Variants in PTBP3 observed in about 807,000 individuals in gnomAD.
The protein encoded by PTBP3 is polypyrimidine tract-binding protein 3.
Under a neutral mutation model 58.7 loss-of-function variants are expected in PTBP3, and 20 were observed. That is an observed-to-expected ratio of 0.34 (90% confidence interval 0.24 to 0.50). The LOEUF is 0.50. Ranked by LOEUF, PTBP3 falls within the 20% of genes least tolerant of loss-of-function variation. The probability of loss-of-function intolerance (pLI) is 0.98; values close to 1 mark genes in which losing one functional copy is unlikely to be tolerated. For synonymous variants in PTBP3, 185 were observed against 219.8 expected (o/e 0.84, Z 1.40); for missense variants, 509 against 637.2 (o/e 0.80, Z 2.17).
the PTBP3 span, among the ~76,000 whole-genome samples, chr9:112,370,593 C>A: frequency 6.6e-6 from 1 of 151,984 alleles, no homozygotes; most frequent in Non-Finnish European, 1.5e-5. Flanking sequence ...TGTTCTTTTT[C>A]AAATTGTCTT....
chr9:112,345,341 T>TAAAA, the PTBP3 span, among the ~76,000 whole-genome samples: 4 of 63,692 alleles, frequency 6.3e-5, no homozygotes, highest in Admixed American at 2.7e-4. Flanking sequence ...CCCTCATCTC[T>TAAAA]AAAAAAAAAA....
chr9:112,285,910 T>C (rs1010867880), intron 2 of PTBP3, among the ~76,000 whole-genome samples: 2 of 152,226 alleles, frequency 1.3e-5, no homozygotes, highest in African/African-American at 4.8e-5. Context: ...CAGAGTGCTA[T>C]CTCTAAATAT....
intron 1 of PTBP3, among the ~76,000 whole-genome samples, chr9:112,309,543 T>C (rs1829383759): frequency 1.3e-5 from 2 of 152,258 alleles, no homozygotes; most frequent in South Asian, 4.2e-4. Context: ...CCAGCACTTT[T>C]GGGAGGCCAA....
At chr9:112,324,527 G>A (rs1229328394) in intron 1 of PTBP3, among the ~76,000 whole-genome samples, 1 of 152,170 alleles carries the variant, frequency 6.6e-6, no homozygotes, top group East Asian at 1.9e-4. Context: ...CTGCACACCT[G>A]TAGTCCCAGT....
the PTBP3 span, among the ~76,000 whole-genome samples, chr9:112,373,491 T>A: frequency 6.6e-6 from 1 of 152,138 alleles, no homozygotes; most frequent in Admixed American, 6.5e-5. Flanking sequence ...AATTTTAATC[T>A]CCTTTGGCAA....
chr9:112,243,675 G>A (rs1835753152), intron 7 of PTBP3, among the ~76,000 whole-genome samples: 1 of 152,142 alleles, frequency 6.6e-6, no homozygotes, highest in Non-Finnish European at 1.5e-5. Context: ...AGTTTATCAG[G>A]GTTTCTGAGT....
At chr9:112,333,054 G>C (rs1250513850) in intron 1 of PTBP3, 2 of 1,265,490 alleles carry the variant, frequency 1.6e-6, no homozygotes, top group Non-Finnish European at 2.0e-6. Flanking sequence ...CCCCCGGCAG[G>C]AGGACGCCCG....
the PTBP3 span, among the ~76,000 whole-genome samples, chr9:112,376,179 C>A: frequency 1.5e-4 from 12 of 79,320 alleles, no homozygotes; most frequent in South Asian, 4.1e-4. Flanking sequence ...ATATATATAT[C>A]CTATTACTTC....
intron 7 of PTBP3, among the ~76,000 whole-genome samples, chr9:112,246,814 C>A (rs1383890369): frequency 6.6e-6 from 1 of 152,034 alleles, no homozygotes; most frequent in African/African-American, 2.4e-5. Context: ...AAGAAATCTG[C>A]AAGACCACTT....
chr9:112,354,580 G>A, the PTBP3 span, among the ~76,000 whole-genome samples: 43 of 152,264 alleles, frequency 2.8e-4, no homozygotes, highest in East Asian at 6.7e-3. Flanking sequence ...TGGAGCAGTG[G>A]GAGTATGAGA....
chr9:112,356,928 G>A, the PTBP3 span, among the ~76,000 whole-genome samples: 3 of 138,014 alleles, frequency 2.2e-5, no homozygotes, highest in Non-Finnish European at 4.5e-5. Flanking sequence ...TGCCCAGGCT[G>A]GAGTGCAATG....
intron 2 of PTBP3, chr9:112,281,019 T>A (rs1039949545): frequency 6.6e-6 from 1 of 152,096 alleles, no homozygotes; most frequent in Non-Finnish European, 1.5e-5. Context: ...TAAGAAAAAA[T>A]CCTTGTTGCT....
chr9:112,334,617 G>A (rs1830529314), upstream of PTBP3, among the ~76,000 whole-genome samples: 1 of 152,148 alleles, frequency 6.6e-6, no homozygotes, highest in African/African-American at 2.4e-5. Context: ...AAAAAAGAGC[G>A]GGGCTCCTCC....
Position 112,333,564 on chromosome 9 carries a change from G to C in PTBP3, c.-146C>G. 6.7e-7 allele frequency: 1 copy of C among 1,493,298 alleles called. No individual in the cohort carries two copies. Among genetic ancestry groups the C allele is most frequent in the Non-Finnish European group, 9.2e-7 (1 of 1,091,210 alleles). The allele number at this position is 1,493,298 out of a possible 1,614,324, so 92.5% of individuals were successfully genotyped here. On this transcript the variant is annotated 5_prime_UTR_variant, in exon 1 of 14. Coordinates refer to ENST00000374257, the MANE Select transcript of PTBP3 (RefSeq NM_001163788.4). ...GGCGGCGGCAGCAGGGCGGTTCCGGGGACAAGCGAGCTTTGGCTCTGCGGA... is the reference window on the plus strand; with the variant it reads ...GGCGGCGGCAGCAGGGCGGTTCCGGCGACAAGCGAGCTTTGGCTCTGCGGA...
chr9:112,320,314 A>ATATATATATTTT lies in PTBP3; in HGVS notation c.-52+13155_-52+13156insAAAATATATATA. 1.8e-3 allele frequency among the ~76,000 whole-genome samples: 138 copies of ATATATATATTTT among 75,652 alleles called. 2 individuals carry two copies. Among genetic ancestry groups the ATATATATATTTT allele is most frequent in the Admixed American group, 8.1e-3 (49 of 6,048 alleles). The allele number at this position is 75,652 out of a possible 152,430, so 49.6% of individuals were successfully genotyped here. A position where few individuals can be genotyped will look rare whatever the true frequency, so the allele number is the denominator to read the frequency against. ...AAAATATATATATATATATATATAT[A>ATATATATATTTT]TTTTTTTTTAAGTGTTATCACCAGA... On this transcript the variant is annotated intron_variant, in intron 1 of 13. Transcript: ENST00000374257.
the PTBP3 span, among the ~76,000 whole-genome samples, chr9:112,345,481 T>C: frequency 3.3e-5 from 5 of 151,290 alleles, no homozygotes; most frequent in Admixed American, 1.3e-4. Context: ...GTTCAGGTGA[T>C]TCTTGTGCCT....
intron 1 of PTBP3, among the ~76,000 whole-genome samples, chr9:112,310,779 A>G (rs1343142513): frequency 6.6e-6 from 1 of 152,262 alleles, no homozygotes; most frequent in African/African-American, 2.4e-5. Flanking sequence ...ACGACTTAAG[A>G]GAAAAAGGCA....
At chr9:112,316,967 A>G (rs1031502659) in intron 1 of PTBP3, among the ~76,000 whole-genome samples, 8 of 139,778 alleles carry the variant, frequency 5.7e-5, no homozygotes, top group Non-Finnish European at 1.2e-4. Flanking sequence ...GTGAGACACC[A>G]TCTCAAAAAA....
intron 4 of PTBP3, among the ~76,000 whole-genome samples, chr9:112,264,137 T>C (rs1369800310): frequency 6.6e-6 from 1 of 152,178 alleles, no homozygotes; most frequent in Non-Finnish European, 1.5e-5. Flanking sequence ...ACAAATTTAA[T>C]GTGGGATAAG....
Sources: gnomAD v4.1 joint callset for allele counts (sites outside exome capture counted in the v4.1 genomes callset) on GRCh38, gnomAD v4.1.1 for gene constraint, MANE v1.5 for transcripts, NCBI Gene and HGNC (gene_info 2026-07-23, HGNC 2026-07-21) for gene names.